BSDC1: variants seen among roughly 807,000 people sequenced by gnomAD.
The protein encoded by BSDC1 is BSD domain containing 1.
Under a neutral mutation model 56.0 loss-of-function variants are expected in BSDC1, and 29 were observed. The observed-to-expected ratio is 0.52, with a 90% CI of 0.39 to 0.71. BSDC1 has a LOEUF of 0.71. BSDC1 is among the 30% of genes least tolerant of loss of function. The pLI, the probability that BSDC1 is intolerant of heterozygous loss-of-function variation, is 0.00. For synonymous variants in BSDC1, 210 were observed against 215.3 expected (o/e 0.98, Z 0.21); for missense variants, 477 against 548.5 (o/e 0.87, Z 1.30).
chr1:32,376,297 C>A lies in BSDC1; in HGVS notation c.1121G>T (p.Ser374Ile). The change falls in exon 9 of 11, where the codon AGT becomes ATT. Residue 374 changes from serine (S) to isoleucine (I), a missense_variant. Transcript: ENST00000455895. Reference protein sequence around the residue: ...DLRVFELNSDSGKSTPSNNGK... With the variant: ...DLRVFELNSDIGKSTPSNNGK... ...ATTGTTGGAGGGTGTAGACTTCCCA[C>A]TATCCGAGTTCAGCTCAAACACCCG... The A allele has an allele frequency of 6.4e-7, 1 of 1,569,628 alleles. No individual in the cohort carries two copies. The highest frequency in any genetic ancestry group is 8.7e-7 in the Non-Finnish European group (1 of 1,151,158).
intron 10 of BSDC1, chr1:32,367,154 A>G (rs900529863): frequency 3.0e-6 from 3 of 985,830 alleles, no homozygotes; most frequent in Non-Finnish European, 3.6e-6. Context: ...AGTGGCCTAC[A>G]GATGCCCACT....
rs967540445 is a variant in BSDC1, at chr1:32,376,231, C to T, written c.1156+31G>A. The T allele has an allele frequency of 2.8e-6, 4 of 1,445,048 alleles. No homozygotes were observed. The African/African-American group carries it at 5.6e-5, about 20-fold the overall frequency. The allele number at this position is 1,445,048 out of a possible 1,614,324, so 89.5% of individuals were successfully genotyped here. A position where few individuals can be genotyped will look rare whatever the true frequency, so the allele number is the denominator to read the frequency against. ...CTCAGGAGGTGGCCCTGACCGCACA[C>T]AACCCTCTGGGCTTGGACCTCCAGA... On this transcript the variant is annotated intron_variant, in intron 9 of 10. Transcript: ENST00000455895.
intron 4 of BSDC1, among the ~76,000 whole-genome samples, chr1:32,382,817 C>G (rs958629614): frequency 3.7e-5 from 5 of 135,712 alleles, no homozygotes; most frequent in Non-Finnish European, 6.1e-5. Flanking sequence ...CTGCAGTGAG[C>G]TGGGATCATG....
intron 1 of BSDC1, 87 bp from the exon 2 acceptor site, chr1:32,394,227 T>C (rs559089354): frequency 6.4e-7 from 1 of 1,566,070 alleles, no homozygotes; most frequent in Non-Finnish European, 8.7e-7. Context: ...AGATGTACCC[T>C]GCGGGCCGAG....
chr1:32,375,428 G>A (rs1006276746), intron 9 of BSDC1, among the ~76,000 whole-genome samples: 3 of 151,800 alleles, frequency 2.0e-5, no homozygotes, highest in African/African-American at 7.3e-5. Context: ...AGGTGGTGGG[G>A]GGACTGGAGG....
chr1:32,376,112 G>A (rs949445403), intron 9 of BSDC1, 150 bp downstream of exon 9: 7 of 778,146 alleles, frequency 9.0e-6, no homozygotes, highest in African/African-American at 1.7e-5. Flanking sequence ...AAATATGTTA[G>A]CAAATAGTCA....
chr1:32,367,007 A>G, intron 10 of BSDC1: 1 of 1,044,124 alleles, frequency 9.6e-7, no homozygotes, highest in Non-Finnish European at 1.2e-6. Flanking sequence ...GGCTCTGAGA[A>G]GCAGAGAACT....
At chr1:32,367,526 C>T (rs528581437) in intron 10 of BSDC1, 1 of 985,418 alleles carries the variant, frequency 1.0e-6, no homozygotes. Context: ...CTAACAGGCT[C>T]ATAAGTTACA....
chr1:32,383,820 C>G lies in BSDC1; in HGVS notation c.357+10G>C. ...GTTAGGCATCTGCAGGGGAGACTGTCAGTGAATACCTTGGTGCCATCATAG... is the reference window on the plus strand; with the variant it reads ...GTTAGGCATCTGCAGGGGAGACTGTGAGTGAATACCTTGGTGCCATCATAG... On this transcript the variant is annotated intron_variant, in intron 4 of 10. Coordinates refer to ENST00000455895, the MANE Select transcript of BSDC1 (RefSeq NM_018045.8). The G allele has an allele frequency of 5.0e-6, 8 of 1,611,648 alleles. No homozygotes were observed. The highest frequency in any genetic ancestry group is 6.8e-6 in the Non-Finnish European group (8 of 1,179,582).
intron 10 of BSDC1, chr1:32,366,894 C>G (rs1460263833): frequency 2.4e-6 from 3 of 1,243,982 alleles, no homozygotes; most frequent in Non-Finnish European, 3.0e-6. Context: ...AAACACTTCC[C>G]CCAACCAACA....
chr1:32,383,984 G>A lies in BSDC1; in HGVS notation c.203C>T (p.Ser68Leu). 1 of 1,613,244 alleles carries A rather than the reference G, an allele frequency of 6.2e-7. No homozygotes were observed. Among genetic ancestry groups the A allele is most frequent in the Non-Finnish European group, 8.5e-7 (1 of 1,180,044 alleles). The change falls in exon 4 of 11, where the codon TCA (serine) becomes TTA (leucine). Residue 68 changes from serine (S) to leucine (L), a missense_variant. Ser to Leu is a moderately radical substitution (Grantham distance 145). Coordinates refer to ENST00000455895, the MANE Select transcript of BSDC1 (RefSeq NM_018045.8). ...TTTCTTCATCTTCTCTGTTGCTCCT[G>A]AGGAGCCTTCCGTCTGTATAGAGAA... is the stretch of plus-strand genomic sequence containing the variant. ...VKEKLATEGSSGATEKMKKGL... is the reference protein window; with the variant it reads ...VKEKLATEGSLGATEKMKKGL...
At chr1:32,373,225 C>T (rs1160141992) in intron 9 of BSDC1, among the ~76,000 whole-genome samples, 2 of 152,192 alleles carry the variant, frequency 1.3e-5, no homozygotes, top group Non-Finnish European at 2.9e-5. Context: ...CACCTGACTA[C>T]GGTTGTTTCT....
intron 9 of BSDC1, among the ~76,000 whole-genome samples, chr1:32,372,161 T>C (rs1392111129): frequency 1.3e-5 from 2 of 152,262 alleles, no homozygotes; most frequent in Non-Finnish European, 2.9e-5. Flanking sequence ...GCTGCCTTTC[T>C]TCTAAGGGCC....
intron 4 of BSDC1, 110 bp downstream of exon 4, chr1:32,383,720 C>A (rs529128603): frequency 1.3e-5 from 10 of 788,174 alleles, no homozygotes; most frequent in Admixed American, 7.6e-5. Context: ...AATAATATAC[C>A]CATATTTATT....
At chr1:32,393,943 A>G in intron 2 of BSDC1, 137 bp downstream of exon 2, 9 of 734,248 alleles carry the variant, frequency 1.2e-5, no homozygotes, top group Non-Finnish European at 2.0e-5. Context: ...GGACCGGTAG[A>G]GGCTAAAAGA....
At position 32,386,874 on chromosome 1, in the gene BSDC1, T is replaced by C; in HGVS notation, c.94A>G (p.Met32Val). The C allele has an allele frequency of 3.7e-6, 6 of 1,612,214 alleles. No homozygotes were observed. The highest frequency in any genetic ancestry group is 5.1e-6 in the Non-Finnish European group (6 of 1,180,000). Reference protein sequence around the residue: ...KEKSSEALEFMKRDLTEFTQV... With the variant: ...KEKSSEALEFVKRDLTEFTQV... ...GTAAACTCCGTCAGGTCCCGCTTCATAAACTCCAAGGCTTCAGAGGACTGT... is the reference window on the plus strand; with the variant it reads ...GTAAACTCCGTCAGGTCCCGCTTCACAAACTCCAAGGCTTCAGAGGACTGT... The change falls in exon 3 of 11, where the codon ATG (methionine) becomes GTG (valine). Residue 32 changes from methionine (M) to valine (V), a missense_variant. By Grantham distance (21) the Met-to-Val change is conservative. Coordinates refer to ENST00000455895, the MANE Select transcript of BSDC1 (RefSeq NM_018045.8).
rs1321099666 is a variant in BSDC1 at position 32,378,197 on chromosome 1, C to T, written c.597+18G>A. 6.2e-7 allele frequency: 1 copy of T among 1,613,632 alleles called. No homozygotes were observed. The highest frequency in any genetic ancestry group is 1.1e-5 in the South Asian group (1 of 91,088). On this transcript the variant is annotated intron_variant, in intron 7 of 10. Transcript: ENST00000455895. The surrounding 1 kb of genome is among the most constrained non-coding windows in gnomAD (Gnocchi z 5.2). ...CCCCAGGGTTGAGTGGGGACCTCCCCATGCTAGACCAGCATACCTGCTCTA... is the reference window on the plus strand; with the variant it reads ...CCCCAGGGTTGAGTGGGGACCTCCCTATGCTAGACCAGCATACCTGCTCTA...
rs116349447 is a variant in BSDC1 at position 32,369,343 on chromosome 1, A to G, written c.1157-793T>C. The stretch of plus-strand genomic sequence containing the variant: ...CAGTGAACTGAGACCTTGTCTCTAG[A>G]AAAAAATTTAAAAATTAGCCAGGCA... On this transcript the variant is annotated intron_variant, in intron 9 of 10. Transcript: ENST00000455895. 4,072 of 1,278,602 alleles carry G rather than the reference A, an allele frequency of 3.2e-3. 109 individuals are homozygous for G. In the African/African-American group the frequency reaches 0.056, roughly 18 times the overall value. The allele number at this position is 1,278,602 out of a possible 1,614,324, so 79.2% of individuals were successfully genotyped here.
intron 3 of BSDC1, 39 bp downstream of exon 3, chr1:32,386,740 C>A: frequency 2.0e-6 from 3 of 1,530,602 alleles, no homozygotes; most frequent in Non-Finnish European, 2.7e-6. Flanking sequence ...GGACAGGTTG[C>A]GAGGGGCAGT....
Sources: allele counts gnomAD v4.1 joint callset (sites outside exome capture counted in the v4.1 genomes callset), GRCh38; gene constraint gnomAD v4.1.1; non-coding constraint Gnocchi (gnomAD v3.1); transcripts MANE v1.5; gene names NCBI Gene and HGNC (gene_info 2026-07-23, HGNC 2026-07-21).